Variants in ENOX1 observed in about 807,000 individuals in gnomAD.
ENOX1 encodes the protein ecto-NOX disulfide-thiol exchanger 1.
In ENOX1, 42 loss-of-function variants were observed where a neutral mutation model predicts 82.5. The ratio of observed to expected loss-of-function variants is 0.51; its 90% CI spans 0.40 to 0.66. ENOX1 has a LOEUF of 0.66. Among genes scored for constraint, ENOX1 ranks in the 30% least tolerant of loss-of-function variants. The pLI is 0.00. For missense variants in ENOX1, 608 were observed against 811.6 expected (o/e 0.75, Z 3.05); for synonymous variants, 271 against 282.2 (o/e 0.96, Z 0.40).
intron 1 of ENOX1, among the ~76,000 whole-genome samples, chr13:43,675,736 C>T (rs1207286067): frequency 1.3e-5 from 2 of 152,110 alleles, no homozygotes; most frequent in Non-Finnish European, 2.9e-5. Context: ...AGGGGCCCGG[C>T]TTCCTTTCAG....
intron 2 of ENOX1, among the ~76,000 whole-genome samples, chr13:43,639,105 A>C (rs1021207887): frequency 6.2e-5 from 5 of 80,404 alleles, no homozygotes; most frequent in Admixed American, 3.1e-4. Context: ...GGAGTTCGAG[A>C]CCAGCCTGGC....
chr13:43,255,859 A>T (rs915914911), intron 14 of ENOX1, among the ~76,000 whole-genome samples: 5 of 152,176 alleles, frequency 3.3e-5, no homozygotes, highest in Non-Finnish European at 7.4e-5. Context: ...CAATTTACAG[A>T]TTCAATGCAA....
chr13:43,414,397 A>C (rs773753782), intron 3 of ENOX1, among the ~76,000 whole-genome samples: 3 of 152,188 alleles, frequency 2.0e-5, no homozygotes, highest in Non-Finnish European at 2.9e-5. Flanking sequence ...TTGTACTGAG[A>C]ATAAATATTT....
intron 3 of ENOX1, among the ~76,000 whole-genome samples, chr13:43,434,937 GTTTTTTTT>G (rs537775258): frequency 2.5e-4 from 19 of 75,904 alleles, no homozygotes; most frequent in African/African-American, 8.0e-4. Flanking sequence ...TGTGTGTGTG[GTTTTTTTT>G]TTTTTTTTTT....
intron 14 of ENOX1, among the ~76,000 whole-genome samples, chr13:43,262,109 T>C (rs2044105027): frequency 6.6e-6 from 1 of 152,188 alleles, no homozygotes; most frequent in African/African-American, 2.4e-5. Flanking sequence ...TTTATTCATT[T>C]ATTTATGGGC....
chr13:43,785,617 G>A (rs1057263991), intron 1 of ENOX1, among the ~76,000 whole-genome samples: 11 of 152,184 alleles, frequency 7.2e-5, no homozygotes, highest in Non-Finnish European at 1.6e-4. Context: ...AGAGAAGCAG[G>A]AGTGTATCTG....
chr13:43,449,921 T>C (rs905761429), intron 3 of ENOX1, among the ~76,000 whole-genome samples: 3 of 152,152 alleles, frequency 2.0e-5, no homozygotes, highest in Non-Finnish European at 2.9e-5. Context: ...TAGTGAAAAA[T>C]GAAAGGATGG....
chr13:43,501,993 C>G, intron 2 of ENOX1, among the ~76,000 whole-genome samples: 1 of 150,988 alleles, frequency 6.6e-6, no homozygotes. Context: ...AAATTCTTGC[C>G]CAGACTAAGA....
intron 2 of ENOX1, among the ~76,000 whole-genome samples, chr13:43,595,173 T>A (rs995003545): frequency 2.0e-5 from 3 of 150,358 alleles, no homozygotes; most frequent in Admixed American, 6.7e-5. Context: ...TACCAGATTT[T>A]AAGAGGCTGT....
intron 1 of ENOX1, among the ~76,000 whole-genome samples, chr13:43,720,310 C>A (rs2153817730): frequency 6.6e-6 from 1 of 152,340 alleles, no homozygotes; most frequent in South Asian, 2.1e-4. Context: ...CTACCAGTTT[C>A]TGTACTTCCA....
chr13:43,373,400 T>C (rs2147366), intron 5 of ENOX1, among the ~76,000 whole-genome samples: 77,588 of 152,034 alleles, frequency 0.51, 24,815 homozygotes, highest in Non-Finnish European at 0.73. Context: ...AGTTGCAGCA[T>C]TGGGACCTGT....
chr13:43,728,467 T>G (rs202181608), intron 1 of ENOX1, among the ~76,000 whole-genome samples: 2 of 152,178 alleles, frequency 1.3e-5, no homozygotes, highest in East Asian at 3.9e-4. Context: ...TCCACCACAG[T>G]ACTACTCATC....
At chr13:43,558,997 C>A (rs2079556710) in intron 2 of ENOX1, among the ~76,000 whole-genome samples, 2 of 152,108 alleles carry the variant, frequency 1.3e-5, no homozygotes, top group Non-Finnish European at 2.9e-5. Context: ...CCTCACCTCT[C>A]TTCTCTGCAA....
intron 3 of ENOX1, among the ~76,000 whole-genome samples, chr13:43,445,641 G>A (rs535295828): frequency 6.6e-6 from 1 of 152,222 alleles, no homozygotes; most frequent in African/African-American, 2.4e-5. Context: ...TTTTCAAAGA[G>A]GGCATTTTTT....
intron 1 of ENOX1, among the ~76,000 whole-genome samples, chr13:43,697,154 C>A (rs188963769): frequency 6.6e-6 from 1 of 152,146 alleles, no homozygotes; most frequent in Admixed American, 6.5e-5. Context: ...CTAGTAGGAG[C>A]GGGAAGGAAA....
chr13:43,720,702 G>A (rs1174788197), intron 1 of ENOX1, among the ~76,000 whole-genome samples: 3 of 152,154 alleles, frequency 2.0e-5, no homozygotes, highest in East Asian at 3.8e-4. Flanking sequence ...ACGAGCAGAG[G>A]GGTATGCACA....
intron 2 of ENOX1, among the ~76,000 whole-genome samples, chr13:43,581,930 T>G (rs1044463378): frequency 6.6e-6 from 1 of 152,176 alleles, no homozygotes; most frequent in South Asian, 2.1e-4. Context: ...CTAACTAAAA[T>G]GGTAAATCAT....
At chr13:43,516,551 C>A (rs941699130) in intron 2 of ENOX1, among the ~76,000 whole-genome samples, 1 of 152,162 alleles carries the variant, frequency 6.6e-6, no homozygotes, top group African/African-American at 2.4e-5. Context: ...TGTTTCCCTG[C>A]TCTGCAATGA....
At chr13:43,258,950 G>A (rs2153474944) in intron 14 of ENOX1, among the ~76,000 whole-genome samples, 1 of 152,342 alleles carries the variant, frequency 6.6e-6, no homozygotes, top group South Asian at 2.1e-4. Context: ...TTTGGTAAGT[G>A]AAAGGCATGA....
Sources: allele counts gnomAD v4.1 joint callset (sites outside exome capture counted in the v4.1 genomes callset), GRCh38; gene constraint gnomAD v4.1.1; transcripts MANE v1.5; gene names NCBI Gene and HGNC (gene_info 2026-07-23, HGNC 2026-07-21).